The following ARHGEF4 variants were observed in gnomAD, a reference collection of about 807,000 sequenced individuals.
ARHGEF4 encodes APC-stimulated guanine nucleotide exchange factor 1.
ARHGEF4 carries 119 observed loss-of-function variants against 162.0 expected under a neutral mutation model. The ratio of observed to expected loss-of-function variants is 0.73; its 90% CI spans 0.63 to 0.86. The LOEUF (loss-of-function observed/expected upper bound fraction) is 0.86. Ranked by LOEUF, ARHGEF4 falls within the 40% of genes least tolerant of loss-of-function variation. The pLI, the probability that ARHGEF4 is intolerant of heterozygous loss-of-function variation, is 0.00. For synonymous variants in ARHGEF4, 1,014 were observed against 979.9 expected (o/e 1.03, Z -0.65); for missense variants, 2,488 against 2,456.0 (o/e 1.01, Z -0.28).
At chr2:130,967,282 C>A (rs563455198) in intron 4 of ARHGEF4, among the ~76,000 whole-genome samples, 1 of 152,178 alleles carries the variant, frequency 6.6e-6, no homozygotes. Flanking sequence ...AATCCGAACA[C>A]GAAATATAGC....
chr2:130,900,048 G>T (rs530249570), intron 1 of ARHGEF4, among the ~76,000 whole-genome samples: 1 of 151,830 alleles, frequency 6.6e-6, no homozygotes, highest in Non-Finnish European at 1.5e-5. Context: ...TTTTTCTGTT[G>T]TTGATTTCCT....
At chr2:130,884,577 T>TTCTTC (rs1679395406) in intron 1 of ARHGEF4, among the ~76,000 whole-genome samples, 1 of 152,094 alleles carries the variant, frequency 6.6e-6, no homozygotes, top group African/African-American at 2.4e-5. Context: ...CTGGCATGAT[T>TTCTTC]TTTAATACTT....
chr2:131,016,804 T>C (rs2105344481), intron 4 of ARHGEF4, among the ~76,000 whole-genome samples: 1 of 152,296 alleles, frequency 6.6e-6, no homozygotes, highest in East Asian at 1.9e-4. Flanking sequence ...GGGACCACAC[T>C]TTGAGAACCA....
chr2:130,870,572 G>A (rs1678403774), intron 1 of ARHGEF4, among the ~76,000 whole-genome samples: 1 of 152,176 alleles, frequency 6.6e-6, no homozygotes, highest in Non-Finnish European at 1.5e-5. Context: ...CATGCACCTT[G>A]AAGTGAGTGA....
At chr2:130,884,417 C>T (rs1679384505) in intron 1 of ARHGEF4, among the ~76,000 whole-genome samples, 1 of 151,968 alleles carries the variant, frequency 6.6e-6, no homozygotes, top group East Asian at 1.9e-4. Flanking sequence ...GTAACATTGT[C>T]GAAGCTGCTT....
chr2:131,034,282 C>T (rs1338178977), intron 5 of ARHGEF4, among the ~76,000 whole-genome samples: 1 of 152,214 alleles, frequency 6.6e-6, no homozygotes, highest in African/African-American at 2.4e-5. Flanking sequence ...CTGCAGTCTT[C>T]TTATCTCTCA....
At chr2:130,921,798 T>C (rs1681889568) in intron 2 of ARHGEF4, among the ~76,000 whole-genome samples, 1 of 151,924 alleles carries the variant, frequency 6.6e-6, no homozygotes, top group African/African-American at 2.4e-5. Flanking sequence ...TTCAAGCAAT[T>C]CTCCTGCCTC....
intron 1 of ARHGEF4, among the ~76,000 whole-genome samples, chr2:130,873,776 G>T (rs903697880): frequency 6.6e-6 from 1 of 152,050 alleles, no homozygotes; most frequent in Admixed American, 6.5e-5. Flanking sequence ...TTGGAGGGGT[G>T]GGGTTTGGTG....
At chr2:130,949,874 C>G (rs556854720) in intron 4 of ARHGEF4, among the ~76,000 whole-genome samples, 2 of 152,332 alleles carry the variant, frequency 1.3e-5, no homozygotes, top group African/African-American at 4.8e-5. Context: ...GTCTCGAACT[C>G]CTGACCTCAG....
Position 130,946,613 on chromosome 2 carries a change from G to C in ARHGEF4, c.3963G>C (p.Trp1321Cys), listed in dbSNP as rs138935537. The C allele has an allele frequency of 6.4e-4, 1,031 of 1,614,000 alleles. 6 individuals are homozygous for C. The African/African-American group carries it at 0.012, about 19-fold the overall frequency. ...SAPTGLNHMGWPEHTPGTAMP... is the reference protein window; with the variant it reads ...SAPTGLNHMGCPEHTPGTAMP... ...CAACGGGACTGAACCACATGGGCTG[G>C]CCAGAGCACACACCAGGCACTGGTG... The change falls in exon 4 of 14, where the codon TGG (tryptophan) becomes TGC (cysteine). Residue 1321 changes from tryptophan (W) to cysteine (C), a missense_variant. By Grantham distance (215) the Trp-to-Cys change is radical. Coordinates refer to ENST00000409359, the MANE Select transcript of ARHGEF4 (RefSeq NM_001367493.1).
chr2:130,897,908 T>C (rs566501116), intron 1 of ARHGEF4, among the ~76,000 whole-genome samples: 1 of 152,330 alleles, frequency 6.6e-6, no homozygotes, highest in East Asian at 1.9e-4. Context: ...GGCTGCAGAT[T>C]GGCAAATACC....
chr2:131,012,493 G>A (rs1448805879), intron 4 of ARHGEF4, among the ~76,000 whole-genome samples: 2 of 152,072 alleles, frequency 1.3e-5, no homozygotes, highest in South Asian at 2.1e-4. Context: ...AGGCCTCAGA[G>A]TGGGGATGCC....
chr2:130,911,606 A>C (rs1034840024), intron 1 of ARHGEF4, among the ~76,000 whole-genome samples: 2 of 152,230 alleles, frequency 1.3e-5, no homozygotes, highest in Admixed American at 1.3e-4. Context: ...TGTACACTGC[A>C]ATCAGTCAAA....
At chr2:130,972,913 C>T (rs781723693) in intron 4 of ARHGEF4, among the ~76,000 whole-genome samples, 8 of 152,162 alleles carry the variant, frequency 5.3e-5, no homozygotes, top group African/African-American at 9.7e-5. Flanking sequence ...TAACATTACA[C>T]CTAACTATAG....
At chr2:131,035,608 C>T in intron 5 of ARHGEF4, 1 of 968,800 alleles carries the variant, frequency 1.0e-6, no homozygotes, top group African/African-American at 1.7e-5. Context: ...GCTGGGTGAG[C>T]GACCCGCGCT....
chr2:130,907,250 G>GCC (rs1680874783), intron 1 of ARHGEF4, among the ~76,000 whole-genome samples: 2 of 2,142 alleles, frequency 9.3e-4, no homozygotes, highest in Non-Finnish European at 0.015. Flanking sequence ...TCTCGCTCTG[G>GCC]AGACTGGAGG....
chr2:130,856,555 G>T (rs1317460113), intron 1 of ARHGEF4, among the ~76,000 whole-genome samples: 2 of 152,216 alleles, frequency 1.3e-5, no homozygotes, highest in Non-Finnish European at 1.5e-5. Context: ...AATCGAGATT[G>T]CCAGTAAAAG....
chr2:131,036,388 T>TCACGG (rs1212673342), intron 5 of ARHGEF4, among the ~76,000 whole-genome samples: 5 of 152,220 alleles, frequency 3.3e-5, no homozygotes, highest in African/African-American at 9.6e-5. Context: ...GAGAGCTTGC[T>TCACGG]CACGGCACGT....
chr2:130,854,815 A>G (rs1681646411), intron 1 of ARHGEF4, among the ~76,000 whole-genome samples: 1 of 152,142 alleles, frequency 6.6e-6, no homozygotes, highest in African/African-American at 2.4e-5. Flanking sequence ...GGGGAAAGGC[A>G]GGGCGTGCAG....
Sources: gnomAD v4.1 joint callset for allele counts (sites outside exome capture counted in the v4.1 genomes callset) on GRCh38, gnomAD v4.1.1 for gene constraint, MANE v1.5 for transcripts, NCBI Gene and HGNC (gene_info 2026-07-23, HGNC 2026-07-21) for gene names.